Variants in FYCO1 observed in about 807,000 individuals in gnomAD.
FYCO1 encodes the protein FYVE and coiled-coil domain-containing protein 1.
FYCO1 carries 122 observed loss-of-function variants against 165.1 expected under a neutral mutation model. That is an observed-to-expected ratio of 0.74 (90% CI 0.64 to 0.86). The LOEUF (loss-of-function observed/expected upper bound fraction) is 0.86, where lower values mean the gene tolerates loss of function less well. Ranked by LOEUF, FYCO1 falls within the 40% of genes least tolerant of loss-of-function variation. The pLI is 0.00. For synonymous variants in FYCO1, 648 were observed against 742.5 expected (o/e 0.87, Z 2.07); for missense variants, 1,702 against 1,810.3 (o/e 0.94, Z 1.09).
intron 17 of FYCO1, among the ~76,000 whole-genome samples, chr3:45,922,546 G>T (rs1703132553): frequency 6.6e-6 from 1 of 152,226 alleles, no homozygotes; most frequent in Admixed American, 6.5e-5. Context: ...TGGGGCTCAT[G>T]TCCACTCTTG....
At chr3:45,953,041 G>A (rs1447483094) in intron 14 of FYCO1, among the ~76,000 whole-genome samples, 1 of 152,178 alleles carries the variant, frequency 6.6e-6, no homozygotes, top group Non-Finnish European at 1.5e-5. Context: ...CTTGGGTCTG[G>A]TGAGTTTGGT....
Position 45,967,082 on chromosome 3 carries a change from T to G in FYCO1, c.2252A>C (p.Lys751Thr), listed in dbSNP as rs1706087063. 1 of 1,613,822 alleles carries G rather than the reference T, an allele frequency of 6.2e-7. No homozygotes were observed. The highest frequency in any genetic ancestry group is 8.5e-7 in the Non-Finnish European group (1 of 1,179,978). ...GGGTGGGCCAACTCCCTGTTGGCCT[T>G]TCTCTGCTGTGAGGACCTCAATCAG... ...TQLIEVLTAE[K>T]GQQGVGPPTD... is the part of the protein sequence containing the mutation. Residue 751 changes from lysine (K) to threonine (T), a missense_variant, in exon 8 of 18, where the codon AAA (lysine) becomes ACA (threonine). Coordinates refer to ENST00000296137, the MANE Select transcript of FYCO1 (RefSeq NM_024513.4).
At chr3:45,956,976 T>C (rs1003480402) in intron 13 of FYCO1, among the ~76,000 whole-genome samples, 2 of 152,256 alleles carry the variant, frequency 1.3e-5, no homozygotes, top group Non-Finnish European at 2.9e-5. Flanking sequence ...CTCTACGTGA[T>C]GTTAAGATGC....
chr3:45,950,421 G>A (rs1361473274), intron 14 of FYCO1, among the ~76,000 whole-genome samples: 1 of 152,092 alleles, frequency 6.6e-6, no homozygotes, highest in African/African-American at 2.4e-5. Context: ...TGGGTGCTAG[G>A]GGCCCAGGTG....
At chr3:45,922,865 G>C (rs1165021355) in intron 17 of FYCO1, among the ~76,000 whole-genome samples, 1 of 152,238 alleles carries the variant, frequency 6.6e-6, no homozygotes, top group African/African-American at 2.4e-5. Context: ...TGCTCAGAGA[G>C]GATGTGGCCA....
chr3:45,925,786 G>C (rs1268250210), intron 16 of FYCO1, among the ~76,000 whole-genome samples: 1 of 152,200 alleles, frequency 6.6e-6, no homozygotes, highest in Non-Finnish European at 1.5e-5. Context: ...GGGTGGGAGA[G>C]AGGAGGCTGA....
intron 11 of FYCO1, among the ~76,000 whole-genome samples, chr3:45,960,546 G>C (rs1376860729): frequency 6.6e-6 from 1 of 152,214 alleles, no homozygotes. Flanking sequence ...CCAGGAGCTG[G>C]TGTTTTCCAT....
At position 45,967,922 on chromosome 3, in the gene FYCO1, C is replaced by T. The variant is rs561790486; in HGVS notation, c.1412G>A (p.Arg471Gln). The change falls in exon 8 of 18, where the codon CGA becomes CAA. Residue 471 changes from arginine (R) to glutamine (Q), a missense_variant. Transcript: ENST00000296137. Reference sequence around the variant, plus strand: ...GTGGGCCAGCAACTCCTGCAGCCGTCGCCAGAGCTGGTCTGCCTCCTGTCC... The same window carrying T: ...GTGGGCCAGCAACTCCTGCAGCCGTTGCCAGAGCTGGTCTGCCTCCTGTCC... The part of the protein sequence containing the change: ...GKGQEADQLW[R>Q]RLQELLAHTS... The T allele has an allele frequency of 2.4e-5, 38 of 1,614,148 alleles. No homozygotes were observed. The highest frequency in any genetic ancestry group is 1.7e-5 in the Admixed American group (1 of 60,022).
Position 45,964,315 on chromosome 3 carries a change from C to T in FYCO1, c.3269+21G>A, listed in dbSNP as rs544508955. On this transcript the variant is annotated intron_variant, in intron 10 of 17. Transcript: ENST00000296137. This position sits in a 1 kb window ranked among gnomAD's most constrained non-coding sequence, Gnocchi z 4.1. ...CTTCCCTGAAGACTACCGACAGCTA[C>T]GTAGGTGGACTGTGACTAACCTTTC... 1.1e-4 allele frequency: 170 copies of T among 1,554,212 alleles called. No homozygotes were observed. The highest frequency in any genetic ancestry group is 1.5e-4 in the Admixed American group (9 of 59,920).
At chr3:45,970,754 C>A (rs560803122) in intron 6 of FYCO1, among the ~76,000 whole-genome samples, 2 of 152,250 alleles carry the variant, frequency 1.3e-5, no homozygotes, top group Admixed American at 1.3e-4. Context: ...CAACTCTACA[C>A]TTACAGAACT....
intron 14 of FYCO1, among the ~76,000 whole-genome samples, chr3:45,937,609 T>C (rs1170651524): frequency 6.6e-6 from 1 of 152,212 alleles, no homozygotes; most frequent in Non-Finnish European, 1.5e-5. Flanking sequence ...AGAGATAGCA[T>C]TGTGTGAGCC....
At position 45,979,731 on chromosome 3, in the gene FYCO1, T is replaced by A; in HGVS notation, c.262A>T (p.Ile88Phe). 6.2e-7 allele frequency: 1 copy of A among 1,614,068 alleles called. No homozygotes were observed. The highest frequency in any genetic ancestry group is 8.5e-7 in the Non-Finnish European group (1 of 1,179,944). ...LAKVKGANDGIRFVKSISELR... is the reference protein window; with the variant it reads ...LAKVKGANDGFRFVKSISELR... The stretch of plus-strand genomic sequence containing the variant: ...TCTGAGATAGACTTGACAAAGCGGA[T>A]CCCATCATTGGCTCCTTTCACCTTG... The change falls in exon 4 of 18, where the codon ATC becomes TTC. Residue 88 changes from isoleucine (I) to phenylalanine (F), a missense_variant. Physicochemically the swap from Ile to Phe is conservative, Grantham distance 21 (BLOSUM62 0). Transcript: ENST00000296137.
intron 14 of FYCO1, chr3:45,946,394 G>A: frequency 8.3e-7 from 1 of 1,200,036 alleles, no homozygotes; most frequent in Non-Finnish European, 1.2e-6. Flanking sequence ...TGTGGTCAAT[G>A]GGATAGCAGG....
Position 45,964,283 on chromosome 3 carries a change from A to T in FYCO1, c.3269+53T>A. 1 of 1,369,174 alleles carries T rather than the reference A, an allele frequency of 7.3e-7. No homozygotes were observed. The highest frequency in any genetic ancestry group is 1.2e-5 in the South Asian group (1 of 86,172). The allele number at this position is 1,369,174 out of a possible 1,614,324, so 84.8% of individuals were successfully genotyped here. A position where few individuals can be genotyped will look rare whatever the true frequency, so the allele number is the denominator to read the frequency against. The stretch of plus-strand genomic sequence containing the variant: ...ACTGACTTTCTAAATGACGAGACCA[A>T]ACACTCCTTCCCTGAAGACTACCGA... On this transcript the variant is annotated intron_variant, in intron 10 of 17. Coordinates refer to ENST00000296137, the MANE Select transcript of FYCO1 (RefSeq NM_024513.4). This position sits in a 1 kb window ranked among gnomAD's most constrained non-coding sequence, Gnocchi z 4.1.
At chr3:45,963,520 G>A (rs957642861) in intron 10 of FYCO1, among the ~76,000 whole-genome samples, 1 of 152,218 alleles carries the variant, frequency 6.6e-6, no homozygotes, top group African/African-American at 2.4e-5. Flanking sequence ...CCCAGGCCTA[G>A]AAGGCAGGTG....
At position 45,975,266 on chromosome 3, in the gene FYCO1, T is replaced by G. The variant is rs998386465; in HGVS notation, c.368A>C (p.Gln123Pro). The change falls in exon 5 of 18, where the codon CAG (glutamine) becomes CCG (proline). Residue 123 changes from glutamine (Q) to proline (P), a missense_variant. Transcript: ENST00000296137. ...VHQRLADTLQ[Q>P]CFMNTKVTSD... ...GGTCACTTTGGTGTTCATGAAGCAC[T>G]GCTGTAAGGTGTCTGCCAACCTCTG... 2 of 1,613,722 alleles carry G rather than the reference T, an allele frequency of 1.2e-6. No homozygotes were observed. The highest frequency in any genetic ancestry group is 2.2e-5 in the East Asian group (1 of 44,884).
chr3:45,933,412 T>G (rs1703729661), intron 15 of FYCO1, among the ~76,000 whole-genome samples: 1 of 152,212 alleles, frequency 6.6e-6, no homozygotes, highest in South Asian at 2.1e-4. Context: ...TTTATTCCCA[T>G]GTCCAGCCGA....
In FYCO1 at chr3:45,936,475, A is replaced by G; in HGVS notation, c.4013T>C (p.Ile1338Thr). 6.2e-7 allele frequency: 1 copy of G among 1,613,966 alleles called. No homozygotes were observed. The highest frequency in any genetic ancestry group is 2.2e-5 in the East Asian group (1 of 44,878). Residue 1338 changes from isoleucine to threonine, a missense_variant, in exon 15 of 18, where the codon ATC (isoleucine) becomes ACC (threonine). By Grantham distance (89) the Ile-to-Thr change is moderately conservative (BLOSUM62 -1). Transcript: ENST00000296137. ...CAGTTCTCCAGACTTCAGCAGGCAG[A>G]TTTCCGAATCCTGCCCCACGGGCAT... is the stretch of plus-strand genomic sequence containing the variant. ...EDMPVGQDSEICLLKSGELMI... is the reference protein window; with the variant it reads ...EDMPVGQDSETCLLKSGELMI...
intron 17 of FYCO1, among the ~76,000 whole-genome samples, chr3:45,923,103 C>A (rs112758177): frequency 6.6e-6 from 1 of 152,216 alleles, no homozygotes; most frequent in African/African-American, 2.4e-5. Flanking sequence ...CCTATACACT[C>A]CTGAACCTTA....
Sources: allele counts gnomAD v4.1 joint callset (sites outside exome capture counted in the v4.1 genomes callset), GRCh38; gene constraint gnomAD v4.1.1; non-coding constraint Gnocchi (gnomAD v3.1); transcripts MANE v1.5; gene names NCBI Gene and HGNC (gene_info 2026-07-23, HGNC 2026-07-21).